Variants in B3GALT1 observed in about 807,000 individuals in gnomAD.
B3GALT1 encodes the protein beta-1,3-galactosyltransferase 1, also known as UDP-Gal:betaGlcNAc beta 1,3-galactosyltransferase, polypeptide 1.
B3GALT1 carries 10 observed loss-of-function variants against 23.2 expected under a neutral mutation model. That is an observed-to-expected ratio of 0.43 (90% CI 0.27 to 0.73). The LOEUF (loss-of-function observed/expected upper bound fraction) is 0.73, where lower values mean the gene tolerates loss of function less well. Among genes scored for constraint, B3GALT1 ranks in the 30% least tolerant of loss-of-function variants. The probability of loss-of-function intolerance (pLI) is 0.21; values close to 1 mark genes in which losing one functional copy is unlikely to be tolerated. For missense variants in B3GALT1, 299 were observed against 405.4 expected (o/e 0.74, Z 2.25); for synonymous variants, 156 against 141.5 (o/e 1.10, Z -0.73).
chr2:167,640,034 G>A (rs2105454413), intron 2 of B3GALT1, among the ~76,000 whole-genome samples: 1 of 152,182 alleles, frequency 6.6e-6, no homozygotes, highest in East Asian at 1.9e-4. Context: ...TTATTTGTCA[G>A]CACTGCTACA....
intron 1 of B3GALT1, among the ~76,000 whole-genome samples, chr2:167,337,126 G>A (rs1697069746): frequency 6.6e-6 from 1 of 152,094 alleles, no homozygotes; most frequent in Non-Finnish European, 1.5e-5. Flanking sequence ...TTGAGGGCTG[G>A]TTCAAAACTG....
chr2:167,505,924 G>C (rs1699910271), intron 2 of B3GALT1, among the ~76,000 whole-genome samples: 1 of 152,072 alleles, frequency 6.6e-6, no homozygotes, highest in African/African-American at 2.4e-5. Flanking sequence ...GCTGGGCGTG[G>C]TGGCGGGCTC....
intron 1 of B3GALT1, among the ~76,000 whole-genome samples, chr2:167,442,931 T>C (rs1698918669): frequency 6.8e-6 from 1 of 147,378 alleles, no homozygotes; most frequent in African/African-American, 2.5e-5. Flanking sequence ...TTTGGTGTTT[T>C]AGACATGAAG....
At chr2:167,314,932 T>G (rs1320690025) in intron 1 of B3GALT1, among the ~76,000 whole-genome samples, 1 of 152,162 alleles carries the variant, frequency 6.6e-6, no homozygotes, top group Non-Finnish European at 1.5e-5. Context: ...CCATTTCTAA[T>G]TAGAGAGCTG....
In B3GALT1 at chr2:167,645,553, A is replaced by ATTTTT. The variant is rs1195110974; in HGVS notation, c.-409-1334_-409-1330dup. Reference sequence around the variant, plus strand: ...GTTCTACCCTTGGCCACTGCCAATAATTTTTTTTTTTTTTTTTTTTTTTTT... The same window carrying ATTTTT: ...GTTCTACCCTTGGCCACTGCCAATAATTTTTTTTTTTTTTTTTTTTTTTTTTTTTT... On this transcript the variant is annotated intron_variant, in intron 2 of 4. Transcript: ENST00000392690. Among the ~76,000 whole-genome samples the ATTTTT allele has an allele frequency of 5.7e-4, 50 of 87,070 alleles. 3 individuals carry two copies. Among genetic ancestry groups the ATTTTT allele is most frequent in the Non-Finnish European group, 7.0e-4 (35 of 49,806 alleles). 57.1% of individuals were successfully genotyped at this position (87,070 alleles called of 152,430 possible). A position where few individuals can be genotyped will look rare whatever the true frequency, so the allele number is the denominator to read the frequency against.
chr2:167,392,820 ATCAT>A (rs1377128983), intron 1 of B3GALT1, among the ~76,000 whole-genome samples: 3 of 152,202 alleles, frequency 2.0e-5, no homozygotes, highest in Admixed American at 1.3e-4. Context: ...ATTTACATAA[ATCAT>A]TCATGCCAAG....
intron 1 of B3GALT1, among the ~76,000 whole-genome samples, chr2:167,484,187 G>A (rs1432392087): frequency 6.6e-6 from 1 of 152,106 alleles, no homozygotes; most frequent in Non-Finnish European, 1.5e-5. Flanking sequence ...ACAATGATAA[G>A]CCAAGCCTTC....
At chr2:167,352,786 G>A (rs1697338495) in intron 1 of B3GALT1, among the ~76,000 whole-genome samples, 1 of 152,030 alleles carries the variant, frequency 6.6e-6, no homozygotes, top group Non-Finnish European at 1.5e-5. Context: ...AAAAACACCA[G>A]TAGTCACACT....
At chr2:167,631,828 C>T (rs4560080) in intron 2 of B3GALT1, among the ~76,000 whole-genome samples, 2,310 of 144,006 alleles carry the variant, frequency 0.016, 83 homozygotes, top group African/African-American at 0.057. Context: ...CTTTAAGTTC[C>T]GGGATACATG....
At chr2:167,520,949 A>C (rs1161684631) in intron 2 of B3GALT1, among the ~76,000 whole-genome samples, 2 of 151,322 alleles carry the variant, frequency 1.3e-5, no homozygotes, top group Non-Finnish European at 2.9e-5. Flanking sequence ...TTAACCATTG[A>C]TCCTCTTCAA....
At chr2:167,370,821 GA>G (rs1697672816) in intron 1 of B3GALT1, among the ~76,000 whole-genome samples, 1 of 152,042 alleles carries the variant, frequency 6.6e-6, no homozygotes, top group Non-Finnish European at 1.5e-5. Flanking sequence ...AGCTACTCAG[GA>G]GGCTGAGGCA....
intron 3 of B3GALT1, among the ~76,000 whole-genome samples, chr2:167,785,219 C>G (rs992779901): frequency 1.3e-5 from 2 of 152,102 alleles, no homozygotes; most frequent in Non-Finnish European, 2.9e-5. Flanking sequence ...GACTCAGAGT[C>G]GAAAGACTGG....
chr2:167,608,990 G>A (rs1039535568), intron 2 of B3GALT1, among the ~76,000 whole-genome samples: 1 of 151,994 alleles, frequency 6.6e-6, no homozygotes, highest in Non-Finnish European at 1.5e-5. Flanking sequence ...AAGGCCCCTG[G>A]AATATTTTAT....
chr2:167,607,819 A>T (rs1438619478), intron 2 of B3GALT1, among the ~76,000 whole-genome samples: 1 of 152,218 alleles, frequency 6.6e-6, no homozygotes, highest in Non-Finnish European at 1.5e-5. Context: ...TGAGCAATGA[A>T]AGAGTGCAAT....
chr2:167,744,055 G>C (rs1437295304), intron 3 of B3GALT1, among the ~76,000 whole-genome samples: 1 of 152,040 alleles, frequency 6.6e-6, no homozygotes, highest in Non-Finnish European at 1.5e-5. Flanking sequence ...TTCCAATTAT[G>C]GGGGGATTTT....
intron 3 of B3GALT1, among the ~76,000 whole-genome samples, chr2:167,684,770 GAAAGA>G (rs1433207321): frequency 1.3e-5 from 2 of 152,156 alleles, no homozygotes; most frequent in Non-Finnish European, 2.9e-5. Flanking sequence ...GAATATTAAA[GAAAGA>G]AAAGGTAACT....
At chr2:167,552,467 A>T (rs1683765696) in intron 2 of B3GALT1, among the ~76,000 whole-genome samples, 1 of 152,238 alleles carries the variant, frequency 6.6e-6, no homozygotes, top group South Asian at 2.1e-4. Context: ...CAACTTAGTT[A>T]TACTATAATA....
At chr2:167,605,951 G>A (rs533032001) in intron 2 of B3GALT1, among the ~76,000 whole-genome samples, 71 of 152,252 alleles carry the variant, frequency 4.7e-4, no homozygotes, top group African/African-American at 1.6e-3. Flanking sequence ...TTATAGGGAT[G>A]GTAACAGGCT....
intron 1 of B3GALT1, among the ~76,000 whole-genome samples, chr2:167,364,388 C>T (rs951209167): frequency 1.3e-5 from 2 of 150,660 alleles, no homozygotes; most frequent in Non-Finnish European, 3.0e-5. Flanking sequence ...GGTACATGTG[C>T]ACAACGTGCA....
Sources: allele counts gnomAD v4.1 joint callset (sites outside exome capture counted in the v4.1 genomes callset), GRCh38; gene constraint gnomAD v4.1.1; transcripts MANE v1.5; gene names NCBI Gene and HGNC (gene_info 2026-07-23, HGNC 2026-07-21).